GPHN: variants seen among roughly 807,000 people sequenced by gnomAD.
The protein encoded by GPHN is gephyrin.
In GPHN, 17 loss-of-function variants were observed where a neutral mutation model predicts 95.5. The observed-to-expected ratio is 0.18, with a 90% CI of 0.12 to 0.27. GPHN has a LOEUF of 0.27. Ranked by LOEUF, GPHN falls within the 10% of genes least tolerant of loss-of-function variation. GPHN has a pLI of 1.00. For synonymous variants in GPHN, 320 were observed against 322.5 expected (o/e 0.99, Z 0.08); for missense variants, 660 against 978.1 (o/e 0.67, Z 4.34).
chr14:67,362,245 C>T, the GPHN span, among the ~76,000 whole-genome samples: 1 of 151,938 alleles, frequency 6.6e-6, no homozygotes, highest in Admixed American at 6.6e-5. Context: ...GCCTCGAACT[C>T]CTGGTTTCAA....
the GPHN span, among the ~76,000 whole-genome samples, chr14:67,679,817 CAA>C: frequency 6.6e-6 from 1 of 151,976 alleles, no homozygotes; most frequent in Non-Finnish European, 1.5e-5. Context: ...AGCATTCAGT[CAA>C]AGTTTTAAAA....
intron 3 of GPHN, among the ~76,000 whole-genome samples, chr14:66,818,264 C>T (rs1334992234): frequency 1.3e-5 from 2 of 152,090 alleles, no homozygotes; most frequent in Admixed American, 1.3e-4. Context: ...CCTCCTCTCA[C>T]CCTCCACCCT....
At chr14:67,608,381 C>T in the GPHN span, among the ~76,000 whole-genome samples, 1 of 152,048 alleles carries the variant, frequency 6.6e-6, no homozygotes, top group Non-Finnish European at 1.5e-5. Context: ...TCTAGAGATG[C>T]TTTAAGGTAT....
rs191692606 is a variant in GPHN at position 66,859,781 on chromosome 14, A to G, written c.295-20158A>G. Among the ~76,000 whole-genome samples, 3 of 152,342 alleles carry G rather than the reference A, an allele frequency of 2.0e-5. No homozygotes were observed. The East Asian group carries it at 5.8e-4, about 29-fold the overall frequency. ...ATAAACTTAGCAAAGAGATTGAAAT[A>G]ATAATTTAAAAGAAACAAACAGAAA... On this transcript the variant is annotated intron_variant, in intron 4 of 22. Coordinates refer to ENST00000478722, the MANE Select transcript of GPHN (RefSeq NM_020806.5).
At chr14:66,754,710 C>G (rs545432136) in intron 2 of GPHN, among the ~76,000 whole-genome samples, 1 of 152,064 alleles carries the variant, frequency 6.6e-6, no homozygotes, top group Admixed American at 6.5e-5. Flanking sequence ...TGTGCCTATA[C>G]AGAAATTACA....
At chr14:66,545,734 G>A (rs1191535991) in intron 1 of GPHN, among the ~76,000 whole-genome samples, 12 of 138,618 alleles carry the variant, frequency 8.7e-5, no homozygotes, top group East Asian at 2.3e-4. Flanking sequence ...CCGGGCGGGG[G>A]GCTGACCCCC....
chr14:67,049,611 C>T (rs548790040), intron 10 of GPHN, among the ~76,000 whole-genome samples: 2 of 151,816 alleles, frequency 1.3e-5, no homozygotes, highest in South Asian at 2.1e-4. Context: ...CTCCTGGGTT[C>T]AAGCAATTCT....
the GPHN span, among the ~76,000 whole-genome samples, chr14:67,421,977 T>C: frequency 6.6e-6 from 1 of 152,136 alleles, no homozygotes; most frequent in African/African-American, 2.4e-5. Flanking sequence ...TGGTATCCGG[T>C]CAGTCATGAA....
intron 9 of GPHN, among the ~76,000 whole-genome samples, chr14:66,997,814 G>A (rs1490173044): frequency 1.3e-5 from 2 of 151,924 alleles, no homozygotes; most frequent in Non-Finnish European, 1.5e-5. Context: ...ATACCACTAG[G>A]GAGAAGCAAA....
chr14:66,645,344 A>G (rs1004269230), intron 1 of GPHN, among the ~76,000 whole-genome samples: 2 of 152,134 alleles, frequency 1.3e-5, no homozygotes, highest in Admixed American at 1.3e-4. Context: ...ATTTGCTTAT[A>G]ATACATCACA....
the GPHN span, chr14:67,279,585 C>T: frequency 1.4e-6 from 2 of 1,479,134 alleles, no homozygotes; most frequent in Non-Finnish European, 9.0e-7. Flanking sequence ...TTTAATTTAT[C>T]TGTGCCTTAT....
downstream of GPHN, among the ~76,000 whole-genome samples, chr14:67,186,078 G>A (rs570779878): frequency 9.9e-5 from 15 of 152,154 alleles, no homozygotes; most frequent in African/African-American, 1.9e-4. Context: ...TGTCCATTTC[G>A]TATGGCCAGC....
chr14:67,255,704 G>A, the GPHN span, among the ~76,000 whole-genome samples: 1 of 152,194 alleles, frequency 6.6e-6, no homozygotes. Context: ...TTTTTGAGAT[G>A]GAGTCTCGCT....
the GPHN span, among the ~76,000 whole-genome samples, chr14:67,492,901 A>G: frequency 4.6e-5 from 7 of 152,252 alleles, no homozygotes; most frequent in African/African-American, 1.7e-4. Flanking sequence ...GAGATCAGCA[A>G]TAACTAAGCA....
At chr14:67,588,488 A>G in the GPHN span, 137 of 152,246 alleles carry the variant, frequency 9.0e-4, no homozygotes, top group African/African-American at 2.8e-3. Flanking sequence ...GTAGCAGGTA[A>G]AAAAAAGTTT....
intron 4 of GPHN, among the ~76,000 whole-genome samples, chr14:66,851,779 A>G (rs2062594444): frequency 6.6e-6 from 1 of 152,164 alleles, no homozygotes; most frequent in South Asian, 2.1e-4. Context: ...AACAAGGGGA[A>G]AATATAATGA....
the GPHN span, chr14:67,392,985 G>T: frequency 1.2e-6 from 1 of 859,264 alleles, no homozygotes; most frequent in Non-Finnish European, 1.9e-6. Flanking sequence ...GGCCACACCT[G>T]CTGCATAGAG....
chr14:67,003,705 G>T (rs2153612246), intron 9 of GPHN, among the ~76,000 whole-genome samples: 1 of 151,794 alleles, frequency 6.6e-6, no homozygotes, highest in African/African-American at 2.4e-5. Context: ...TTAAATTTCA[G>T]TTAACTTTAT....
chr14:67,206,930 AT>A, the GPHN span, among the ~76,000 whole-genome samples: 1 of 152,040 alleles, frequency 6.6e-6, no homozygotes, highest in Non-Finnish European at 1.5e-5. Context: ...GGGTTTCTCC[AT>A]GTTGCCCAAG....
Sources: allele counts gnomAD v4.1 joint callset (sites outside exome capture counted in the v4.1 genomes callset), GRCh38; gene constraint gnomAD v4.1.1; transcripts MANE v1.5; gene names NCBI Gene and HGNC (gene_info 2026-07-23, HGNC 2026-07-21).